The following ACYP2 variants were observed in gnomAD, a reference collection of about 807,000 sequenced individuals.
ACYP2 encodes acylphosphatase 2, also known as acylphosphatase-2.
Under a neutral mutation model 11.2 loss-of-function variants are expected in ACYP2, and 12 were observed. The ratio of observed to expected loss-of-function variants is 1.08; its 90% CI spans 0.69 to 1.74. ACYP2 has a LOEUF of 1.74. Among genes scored for constraint, ACYP2 ranks in the 40% most tolerant of loss-of-function variants. The pLI is 0.00. For synonymous variants in ACYP2, 43 were observed against 32.2 expected, an observed-to-expected ratio of 1.33 and a Z score of -1.13; for missense variants, 134 against 101.9, an observed-to-expected ratio of 1.31 and a Z score of -1.35.
chr2:54,017,136 A>G (rs1469120644), intron 2 of ACYP2, among the ~76,000 whole-genome samples: 1 of 151,988 alleles, frequency 6.6e-6, no homozygotes, highest in Non-Finnish European at 1.5e-5. Flanking sequence ...AAGCAAATGG[A>G]CCCACTCCCT....
intron 4 of ACYP2, among the ~76,000 whole-genome samples, chr2:54,129,666 A>G (rs1453862599): frequency 6.7e-6 from 1 of 149,876 alleles, no homozygotes; most frequent in Non-Finnish European, 1.5e-5. Flanking sequence ...CTACATATAT[A>G]TGTGTATTAT....
chr2:54,247,651 T>TCATA (rs1421961847), intron 6 of ACYP2, among the ~76,000 whole-genome samples: 1 of 152,316 alleles, frequency 6.6e-6, no homozygotes, highest in East Asian at 1.9e-4. Flanking sequence ...TTCACCTGTG[T>TCATA]CATAACTTTA....
intron 2 of ACYP2, among the ~76,000 whole-genome samples, chr2:53,986,062 G>T: frequency 6.6e-6 from 1 of 152,088 alleles, no homozygotes; most frequent in South Asian, 2.1e-4. Context: ...TGGAGGCAGA[G>T]GTTGCTGTGA....
intron 6 of ACYP2, among the ~76,000 whole-genome samples, chr2:54,252,983 G>C (rs1239534720): frequency 6.6e-6 from 1 of 152,034 alleles, no homozygotes; most frequent in African/African-American, 2.4e-5. Context: ...TTTAGGCTGA[G>C]GCAGGTGAAT....
intron 6 of ACYP2, among the ~76,000 whole-genome samples, chr2:54,246,727 C>G (rs942936700): frequency 3.3e-5 from 5 of 152,012 alleles, no homozygotes; most frequent in Non-Finnish European, 7.4e-5. Flanking sequence ...TATCTAATAT[C>G]TAGGATGTTA....
At chr2:54,263,456 C>T (rs984422046) in intron 6 of ACYP2, among the ~76,000 whole-genome samples, 2 of 152,194 alleles carry the variant, frequency 1.3e-5, no homozygotes, top group Non-Finnish European at 2.9e-5. Flanking sequence ...CACCGTGTCT[C>T]TACAAAGAAA....
At chr2:54,149,072 G>A (rs1463443254) in intron 6 of ACYP2, among the ~76,000 whole-genome samples, 2 of 152,186 alleles carry the variant, frequency 1.3e-5, no homozygotes, top group African/African-American at 4.8e-5. Flanking sequence ...GCAACATGAT[G>A]AAACCCCATC....
chr2:54,065,220 A>G (rs1207055590), intron 4 of ACYP2, among the ~76,000 whole-genome samples: 1 of 152,222 alleles, frequency 6.6e-6, no homozygotes, highest in African/African-American at 2.4e-5. Context: ...TTAACATTTG[A>G]AATCGTTATT....
At chr2:54,302,826 T>C (rs1689777088) in intron 6 of ACYP2, among the ~76,000 whole-genome samples, 1 of 152,154 alleles carries the variant, frequency 6.6e-6, no homozygotes, top group Admixed American at 6.5e-5. Context: ...CCTCTCCTTT[T>C]CTCACACCCA....
chr2:54,087,577 C>G (rs1205129366), intron 4 of ACYP2, among the ~76,000 whole-genome samples: 1 of 152,140 alleles, frequency 6.6e-6, no homozygotes, highest in African/African-American at 2.4e-5. Context: ...TCTCAAACTT[C>G]TGGGCTCAAG....
At chr2:54,272,228 T>C (rs1688337923) in intron 6 of ACYP2, among the ~76,000 whole-genome samples, 1 of 151,980 alleles carries the variant, frequency 6.6e-6, no homozygotes, top group Admixed American at 6.6e-5. Flanking sequence ...CAAGAAGCAA[T>C]AAAAAATGGA....
At chr2:54,184,041 C>G (rs1683866182) in intron 6 of ACYP2, among the ~76,000 whole-genome samples, 1 of 152,142 alleles carries the variant, frequency 6.6e-6, no homozygotes, top group Admixed American at 6.6e-5. Flanking sequence ...AAGATACTTC[C>G]TTATGCAAGA....
chr2:54,016,438 CAG>C (rs67861552), intron 2 of ACYP2, among the ~76,000 whole-genome samples: 14,430 of 151,490 alleles, frequency 0.095, 934 homozygotes, highest in African/African-American at 0.18. Flanking sequence ...TAAGGCCAAA[CAG>C]GGAGAAACTG....
intron 4 of ACYP2, among the ~76,000 whole-genome samples, chr2:54,073,714 A>C (rs1382819573): frequency 6.6e-6 from 1 of 152,224 alleles, no homozygotes; most frequent in Non-Finnish European, 1.5e-5. Flanking sequence ...AAAAATGGGC[A>C]AAAGGTCTGA....
intron 6 of ACYP2, among the ~76,000 whole-genome samples, chr2:54,207,292 C>G (rs1401170524): frequency 6.6e-6 from 1 of 150,994 alleles, no homozygotes; most frequent in Non-Finnish European, 1.5e-5. Flanking sequence ...GCTAGAAATT[C>G]AAGTAAGAGT....
intron 4 of ACYP2, among the ~76,000 whole-genome samples, chr2:54,127,126 T>A (rs1452317466): frequency 6.7e-6 from 1 of 148,806 alleles, no homozygotes; most frequent in Non-Finnish European, 1.5e-5. Context: ...TGGACATGGC[T>A]CTTTTTGGAA....
rs1689845426 is a variant in ACYP2, at chr2:54,304,568, C to T, written c.405-120C>T. 6 of 607,214 alleles carry T rather than the reference C, an allele frequency of 9.9e-6. No individual in the cohort carries two copies. The East Asian group carries it at 1.7e-4, about 17-fold the overall frequency. 37.6% of individuals were successfully genotyped at this position (607,214 alleles called of 1,614,324 possible). On this transcript the variant is annotated intron_variant, in intron 6 of 6. Transcript: ENST00000607452. ...ACAATGTAAACAAATTTAAATATCA[C>T]ATATATGCAAAAATTACTTAGTAAA...
intron 6 of ACYP2, among the ~76,000 whole-genome samples, chr2:54,285,008 C>G (rs1422131697): frequency 6.6e-6 from 1 of 152,206 alleles, no homozygotes; most frequent in Non-Finnish European, 1.5e-5. Context: ...TTACTGCTCA[C>G]AGGTCTGGAG....
intron 2 of ACYP2, among the ~76,000 whole-genome samples, chr2:54,048,258 C>T (rs1351247648): frequency 9.9e-5 from 15 of 151,856 alleles, no homozygotes; most frequent in Non-Finnish European, 2.2e-4. Context: ...GATGTTGTCT[C>T]TACTGAAAAT....
Sources: allele counts gnomAD v4.1 joint callset (sites outside exome capture counted in the v4.1 genomes callset), GRCh38; gene constraint gnomAD v4.1.1; transcripts MANE v1.5; gene names NCBI Gene and HGNC (gene_info 2026-07-23, HGNC 2026-07-21).